The following CDH10 variants were observed in gnomAD, a reference collection of about 807,000 sequenced individuals.
CDH10 encodes cadherin-10.
CDH10 carries 30 observed loss-of-function variants against 73.1 expected under a neutral mutation model. The observed-to-expected ratio is 0.41, with a 90% CI of 0.31 to 0.56. CDH10 has a LOEUF of 0.56. Among genes scored for constraint, CDH10 ranks in the 20% least tolerant of loss-of-function variants. The probability of loss-of-function intolerance (pLI) is 0.27; values close to 1 mark genes in which losing one functional copy is unlikely to be tolerated. For synonymous variants in CDH10, 345 were observed against 348.2 expected, an observed-to-expected ratio of 0.99 and a Z score of 0.10; for missense variants, 815 against 973.7, an observed-to-expected ratio of 0.84 and a Z score of 2.17.
At chr5:24,557,503 C>T (rs1384721844) in intron 2 of CDH10, among the ~76,000 whole-genome samples, 2 of 151,544 alleles carry the variant, frequency 1.3e-5, no homozygotes, top group Non-Finnish European at 3.0e-5. Flanking sequence ...ATTTGTGATC[C>T]TCAGCCCCCT....
At chr5:24,502,012 G>A (rs1238758006) in intron 8 of CDH10, among the ~76,000 whole-genome samples, 2 of 151,302 alleles carry the variant, frequency 1.3e-5, no homozygotes, top group African/African-American at 2.4e-5. Flanking sequence ...TCCGCCTCCC[G>A]GGTTCACGCC....
At chr5:24,574,620 T>C (rs1035662975) in intron 2 of CDH10, among the ~76,000 whole-genome samples, 17 of 144,110 alleles carry the variant, frequency 1.2e-4, no homozygotes, top group Admixed American at 1.1e-3. Flanking sequence ...TATTGACATA[T>C]TGAATAATGT....
At chr5:24,637,332 G>GTA (rs1357741933) in intron 1 of CDH10, among the ~76,000 whole-genome samples, 2 of 151,946 alleles carry the variant, frequency 1.3e-5, no homozygotes, top group Non-Finnish European at 2.9e-5. Flanking sequence ...TTCTTCAGCA[G>GTA]TATATCTAAT....
chr5:24,531,461 AGACTG>A (rs1743746768), intron 5 of CDH10, among the ~76,000 whole-genome samples: 1 of 152,108 alleles, frequency 6.6e-6, no homozygotes, highest in Non-Finnish European at 1.5e-5. Context: ...GACATACACA[AGACTG>A]GGTAATTTAT....
intron 7 of CDH10, among the ~76,000 whole-genome samples, chr5:24,507,755 T>A (rs1237770174): frequency 6.6e-6 from 1 of 151,990 alleles, no homozygotes; most frequent in Non-Finnish European, 1.5e-5. Context: ...ATATAAAACT[T>A]TCAAAGGAAA....
intron 1 of CDH10, among the ~76,000 whole-genome samples, chr5:24,603,746 T>A (rs1746652847): frequency 6.6e-6 from 1 of 152,090 alleles, no homozygotes; most frequent in South Asian, 2.1e-4. Flanking sequence ...GTTTCCCCCG[T>A]ATATTCCGGA....
At chr5:24,575,287 G>A (rs1470260853) in intron 2 of CDH10, among the ~76,000 whole-genome samples, 7 of 150,072 alleles carry the variant, frequency 4.7e-5, no homozygotes, top group African/African-American at 1.5e-4. Context: ...GCTTGAACCC[G>A]GGAGGCAGAG....
At chr5:24,517,109 T>C (rs181583250) in intron 5 of CDH10, among the ~76,000 whole-genome samples, 49 of 152,198 alleles carry the variant, frequency 3.2e-4, no homozygotes, top group African/African-American at 1.1e-3. Flanking sequence ...TTAATATTAG[T>C]ATTTAAGACT....
At chr5:24,500,777 A>G (rs1742463475) in intron 8 of CDH10, among the ~76,000 whole-genome samples, 1 of 152,204 alleles carries the variant, frequency 6.6e-6, no homozygotes, top group Non-Finnish European at 1.5e-5. Flanking sequence ...TATCATTATT[A>G]TATCTTCTTC....
chr5:24,560,208 G>GTA (rs1744908840), intron 2 of CDH10, among the ~76,000 whole-genome samples: 2 of 9,882 alleles, frequency 2.0e-4, no homozygotes. Flanking sequence ...AATTGTGTGT[G>GTA]TGTGTGTGTG....
At chr5:24,543,293 G>A (rs916758298) in intron 2 of CDH10, among the ~76,000 whole-genome samples, 1 of 151,944 alleles carries the variant, frequency 6.6e-6, no homozygotes, top group Non-Finnish European at 1.5e-5. Context: ...TCCAAAAACT[G>A]GAAAAGTAGA....
At chr5:24,543,012 T>C (rs373388486) in intron 2 of CDH10, among the ~76,000 whole-genome samples, 1 of 152,128 alleles carries the variant, frequency 6.6e-6, no homozygotes, top group Non-Finnish European at 1.5e-5. Flanking sequence ...GATTCATTTT[T>C]AAGTTACATT....
chr5:24,600,330 TG>T (rs1363889946), intron 1 of CDH10, among the ~76,000 whole-genome samples: 5 of 152,178 alleles, frequency 3.3e-5, no homozygotes, highest in Non-Finnish European at 7.4e-5. Flanking sequence ...AGAGCATGTT[TG>T]GGATTTTCTT....
At chr5:24,594,692 C>T (rs1746312154) in intron 1 of CDH10, among the ~76,000 whole-genome samples, 1 of 151,898 alleles carries the variant, frequency 6.6e-6, no homozygotes, top group South Asian at 2.1e-4. Context: ...GAATGATTTT[C>T]CTGTAGATGT....
At chr5:24,574,909 C>T (rs1171253268) in intron 2 of CDH10, among the ~76,000 whole-genome samples, 2 of 151,632 alleles carry the variant, frequency 1.3e-5, no homozygotes, top group Admixed American at 1.3e-4. Context: ...TCAAACCTAA[C>T]CCATGAAAGA....
chr5:24,555,628 C>A (rs72749783), intron 2 of CDH10, among the ~76,000 whole-genome samples: 1 of 152,026 alleles, frequency 6.6e-6, no homozygotes, highest in Non-Finnish European at 1.5e-5. Flanking sequence ...GTCAAGAGAA[C>A]CTGTAGCTTA....
At chr5:24,491,282 T>G (rs1745121423) in intron 11 of CDH10, among the ~76,000 whole-genome samples, 1 of 152,222 alleles carries the variant, frequency 6.6e-6, no homozygotes, top group African/African-American at 2.4e-5. Flanking sequence ...TTCCTTTGTT[T>G]ACTGCATTGT....
chr5:24,549,301 T>G (rs1477655312), intron 2 of CDH10, among the ~76,000 whole-genome samples: 1 of 152,046 alleles, frequency 6.6e-6, no homozygotes, highest in Non-Finnish European at 1.5e-5. Context: ...CAAGAGGAAA[T>G]AGGTAAGAAA....
intron 1 of CDH10, among the ~76,000 whole-genome samples, chr5:24,629,980 G>A (rs1210326762): frequency 6.6e-6 from 1 of 152,116 alleles, no homozygotes; most frequent in Non-Finnish European, 1.5e-5. Context: ...ATACCTGTCT[G>A]TAAAATGCAA....
Sources: gnomAD v4.1 joint callset for allele counts (sites outside exome capture counted in the v4.1 genomes callset) on GRCh38, gnomAD v4.1.1 for gene constraint, MANE v1.5 for transcripts, NCBI Gene and HGNC (gene_info 2026-07-23, HGNC 2026-07-21) for gene names.